PIR: variants seen among roughly 807,000 people sequenced by gnomAD.
PIR encodes the protein pirin.
Under a neutral mutation model 24.2 loss-of-function variants are expected in PIR, and 22 were observed. The observed-to-expected ratio is 0.91, with a 90% CI of 0.65 to 1.30. The LOEUF is 1.30. PIR is among the 50% of genes most tolerant of loss of function. The probability of loss-of-function intolerance (pLI) is 0.00; values close to 1 mark genes in which losing one functional copy is unlikely to be tolerated. For missense variants in PIR, 220 were observed against 220.3 expected, an observed-to-expected ratio of 1.00 and a Z score of 0.01; for synonymous variants, 80 against 79.6, an observed-to-expected ratio of 1.00 and a Z score of -0.03.
intron 7 of PIR, among the ~76,000 whole-genome samples, chrX:15,399,644 T>G (rs1459496878): frequency 8.9e-6 from 1 of 112,244 alleles, no homozygotes. Flanking sequence ...TGACTTTGTC[T>G]CCAGCAGAAA....
chrX:15,402,166 G>A (rs1459203346), intron 7 of PIR, among the ~76,000 whole-genome samples: 1 of 111,573 alleles, frequency 9.0e-6, no homozygotes, highest in African/African-American at 3.3e-5. Flanking sequence ...ATTTTTAGGT[G>A]TGGTGGTGCA....
chrX:15,452,472 A>C (rs772535540), intron 5 of PIR, among the ~76,000 whole-genome samples: 9 of 111,718 alleles, frequency 8.1e-5, no homozygotes, highest in Non-Finnish European at 1.3e-4. Context: ...GCATACAGCT[A>C]CCCTTGGTAG....
At chrX:15,468,823 A>G (rs975336783) in intron 3 of PIR, among the ~76,000 whole-genome samples, 3 of 112,814 alleles carry the variant, frequency 2.7e-5, no homozygotes, top group African/African-American at 9.7e-5. Context: ...TTAAGTTTAC[A>G]TAACAATTGT....
At chrX:15,440,970 A>G (rs988575451) in intron 5 of PIR, among the ~76,000 whole-genome samples, 1 of 111,929 alleles carries the variant, frequency 8.9e-6, no homozygotes, top group Non-Finnish European at 1.9e-5. Flanking sequence ...TGCTTGTGCA[A>G]TAAAATTTCA....
At chrX:15,470,742 C>T (rs1312772896) in intron 3 of PIR, among the ~76,000 whole-genome samples, 3 of 109,402 alleles carry the variant, frequency 2.7e-5, no homozygotes, top group East Asian at 2.9e-4. Flanking sequence ...GCTGGGATTA[C>T]AGGCGCCCAC....
At chrX:15,404,339 T>C (rs1392142665) in intron 7 of PIR, among the ~76,000 whole-genome samples, 1 of 112,315 alleles carries the variant, frequency 8.9e-6, no homozygotes, top group Non-Finnish European at 1.9e-5. Flanking sequence ...CACCTGTTTG[T>C]AGTCAAACTA....
Position 15,456,157 on chromosome X carries a change from G to A in PIR, c.274-103C>T, listed in dbSNP as rs191899310. 23 of 663,718 alleles carry A rather than the reference G, an allele frequency of 3.5e-5. No individual in the cohort carries two copies. In the East Asian group the frequency reaches 7.4e-4, roughly 21 times the overall value. 54.7% of individuals were successfully genotyped at this position (663,718 alleles called of 1,213,427 possible). On this transcript the variant is annotated intron_variant, in intron 4 of 9. Coordinates refer to ENST00000380420, the MANE Select transcript of PIR (RefSeq NM_001018109.3). ...TCACTAAGTGAGACATCTTACCAGT[G>A]CTGCTATCAGAGCCCCTGGGCATCG...
At chrX:15,418,283 A>G (rs1284504969) in intron 6 of PIR, among the ~76,000 whole-genome samples, 1 of 111,568 alleles carries the variant, frequency 9.0e-6, no homozygotes, top group Non-Finnish European at 1.9e-5. Flanking sequence ...CAAGGGGGAC[A>G]TGAGGACAAG....
intron 5 of PIR, among the ~76,000 whole-genome samples, chrX:15,449,726 C>A (rs1197072504): frequency 1.8e-5 from 2 of 112,020 alleles, no homozygotes; most frequent in African/African-American, 3.2e-5. Flanking sequence ...TACTGAAAAT[C>A]TTGATTTCTA....
intron 3 of PIR, among the ~76,000 whole-genome samples, chrX:15,470,791 C>T (rs1465232148): frequency 2.7e-5 from 3 of 109,777 alleles, no homozygotes; most frequent in Non-Finnish European, 5.7e-5. Flanking sequence ...TCAGTAGAGA[C>T]GGGGTTTCAC....
intron 9 of PIR, among the ~76,000 whole-genome samples, chrX:15,385,512 A>G (rs1038802917): frequency 2.7e-5 from 3 of 112,433 alleles, no homozygotes; most frequent in Admixed American, 9.4e-5. Context: ...AAATCTTATC[A>G]TAGCTTTGGT....
chrX:15,396,603 T>C (rs1924146193), intron 8 of PIR, among the ~76,000 whole-genome samples: 1 of 111,543 alleles, frequency 9.0e-6, no homozygotes, highest in Non-Finnish European at 1.9e-5. Flanking sequence ...GAAATAGACA[T>C]GAGAAAGAAA....
intron 6 of PIR, among the ~76,000 whole-genome samples, chrX:15,414,710 C>G (rs912617431): frequency 9.0e-6 from 1 of 111,166 alleles, no homozygotes; most frequent in African/African-American, 3.3e-5. Context: ...TTCAAAATTA[C>G]AGACAGAGTC....
chrX:15,449,448 G>C (rs1457823440), intron 5 of PIR, among the ~76,000 whole-genome samples: 4 of 111,805 alleles, frequency 3.6e-5, no homozygotes, highest in African/African-American at 1.3e-4. Flanking sequence ...ACTTTTTAAA[G>C]CACTTCTCAT....
At chrX:15,401,221 TA>T (rs899321071) in intron 7 of PIR, among the ~76,000 whole-genome samples, 7 of 107,305 alleles carry the variant, frequency 6.5e-5, no homozygotes, top group Non-Finnish European at 1.1e-4. Context: ...CCTAGCTAAT[TA>T]AAAAAATTTT....
At chrX:15,393,008 C>T (rs1254388994) in intron 8 of PIR, among the ~76,000 whole-genome samples, 2 of 112,134 alleles carry the variant, frequency 1.8e-5, no homozygotes, top group African/African-American at 6.5e-5. Context: ...GAAAATCATG[C>T]AAAAGCCAAG....
chrX:15,405,885 G>A lies in PIR; in HGVS notation c.610+1621C>T, dbSNP rs73449329. On this transcript the variant is annotated intron_variant, in intron 7 of 9. Transcript: ENST00000380420. ...AACTAAGCCCATTTGTACTTTATTAGGAATAAATTCAAAATGCATGAGTTT... is the reference window on the plus strand; with the variant it reads ...AACTAAGCCCATTTGTACTTTATTAAGAATAAATTCAAAATGCATGAGTTT... Among the ~76,000 whole-genome samples, 140 of 112,545 alleles carry A rather than the reference G, an allele frequency of 1.2e-3. 2 individuals are homozygous for A. Among genetic ancestry groups the A allele is most frequent in the African/African-American group, 4.2e-3 (130 of 31,092 alleles).
At chrX:15,423,863 CACA>C (rs907579878) in intron 6 of PIR, among the ~76,000 whole-genome samples, 10 of 111,711 alleles carry the variant, frequency 9.0e-5, no homozygotes, top group African/African-American at 1.3e-4. Context: ...AAACCAAAAC[CACA>C]ACGAGACATC....
intron 8 of PIR, among the ~76,000 whole-genome samples, chrX:15,395,336 G>A (rs1005128705): frequency 5.4e-5 from 6 of 112,038 alleles, no homozygotes; most frequent in African/African-American, 1.9e-4. Flanking sequence ...CATCTACAAC[G>A]TAGTAAACCA....
Sources: allele counts gnomAD v4.1 joint callset (sites outside exome capture counted in the v4.1 genomes callset), GRCh38; gene constraint gnomAD v4.1.1; transcripts MANE v1.5; gene names NCBI Gene and HGNC (gene_info 2026-07-23, HGNC 2026-07-21).